The following RORA variants were observed in gnomAD, a reference collection of about 807,000 sequenced individuals.
RORA encodes RAR related orphan receptor A, also known as nuclear receptor ROR-alpha.
Under a neutral mutation model 69.5 loss-of-function variants are expected in RORA, and 7 were observed. The ratio of observed to expected loss-of-function variants is 0.10; its 90% CI spans 0.06 to 0.19. The LOEUF (loss-of-function observed/expected upper bound fraction) is 0.19, where lower values mean the gene tolerates loss of function less well. Among genes scored for constraint, RORA ranks in the 10% least tolerant of loss-of-function variants. The pLI, the probability that RORA is intolerant of heterozygous loss-of-function variation, is 1.00. For synonymous variants in RORA, 261 were observed against 240.8 expected (o/e 1.08, Z -0.78); for missense variants, 457 against 663.0 (o/e 0.69, Z 3.41).
chr15:60,796,220 T>C (rs1175920824), intron 1 of RORA, among the ~76,000 whole-genome samples: 1 of 152,160 alleles, frequency 6.6e-6, no homozygotes, highest in Non-Finnish European at 1.5e-5. Context: ...CTAGCTCTGC[T>C]GGGAGACACA....
intron 1 of RORA, among the ~76,000 whole-genome samples, chr15:61,093,510 C>T (rs1048386888): frequency 6.6e-6 from 1 of 152,198 alleles, no homozygotes; most frequent in African/African-American, 2.4e-5. Flanking sequence ...ACTTTCTCAT[C>T]CCTGTACTCA....
chr15:61,084,103 C>T (rs1191518765), intron 1 of RORA, among the ~76,000 whole-genome samples: 2 of 152,184 alleles, frequency 1.3e-5, no homozygotes, highest in Non-Finnish European at 2.9e-5. Flanking sequence ...AGCTCTCTCA[C>T]CTCAGACTGG....
rs544849213 is a variant in RORA, at chr15:61,090,964, T to C, written c.166+138089A>G. On this transcript the variant is annotated intron_variant, in intron 1 of 10. Transcript: ENST00000335670. ...CATGATCTCACTCTGTCCCTGCTAA[T>C]ACCTAAAACAGTCCACTGTTCCATT... Among the ~76,000 whole-genome samples the C allele has an allele frequency of 5.3e-5, 8 of 152,320 alleles. No individual in the cohort carries two copies. The South Asian group carries it at 1.7e-3, about 32-fold the overall frequency.
At chr15:60,591,492 T>C (rs2068508748) in intron 2 of RORA, among the ~76,000 whole-genome samples, 1 of 152,112 alleles carries the variant, frequency 6.6e-6, no homozygotes, top group Non-Finnish European at 1.5e-5. Flanking sequence ...GAGCCAGTCC[T>C]CCCTCCAACC....
chr15:60,608,770 A>G (rs1301286756), intron 2 of RORA, among the ~76,000 whole-genome samples: 2 of 152,106 alleles, frequency 1.3e-5, no homozygotes, highest in African/African-American at 4.8e-5. Flanking sequence ...GCCACGAGAG[A>G]TAATTTACAT....
chr15:60,561,563 A>C (rs1288007513), intron 2 of RORA, among the ~76,000 whole-genome samples: 1 of 152,196 alleles, frequency 6.6e-6, no homozygotes, highest in Non-Finnish European at 1.5e-5. Context: ...TAACATCTTT[A>C]TGTTAAAGCT....
intron 3 of RORA, among the ~76,000 whole-genome samples, chr15:60,523,124 G>A (rs1298996404): frequency 6.6e-6 from 1 of 151,952 alleles, no homozygotes; most frequent in East Asian, 1.9e-4. Context: ...TGCTCCCATT[G>A]TGAATAACAT....
chr15:60,961,262 A>T (rs1404550014), intron 1 of RORA, among the ~76,000 whole-genome samples: 2 of 152,176 alleles, frequency 1.3e-5, no homozygotes, highest in Non-Finnish European at 2.9e-5. Flanking sequence ...CAAATAAAGC[A>T]TAACTCCTAT....
At chr15:60,693,316 A>G (rs2070855994) in intron 1 of RORA, among the ~76,000 whole-genome samples, 3 of 152,232 alleles carry the variant, frequency 2.0e-5, no homozygotes, top group Admixed American at 2.0e-4. Context: ...AATAAGAGCC[A>G]TTTATGACAA....
chr15:60,520,414 G>A (rs946081670), intron 3 of RORA: 37 of 152,060 alleles, frequency 2.4e-4, no homozygotes, highest in Admixed American at 3.3e-4. Flanking sequence ...CTTGGGGGGC[G>A]GGGTTCTCAG....
intron 6 of RORA, 21 bp downstream of exon 6, chr15:60,505,487 G>A: frequency 6.2e-7 from 1 of 1,613,082 alleles, no homozygotes; most frequent in Non-Finnish European, 8.5e-7. Flanking sequence ...ATCCTAGGAG[G>A]AAAAATTCCT....
chr15:60,796,561 C>T (rs921149467), intron 1 of RORA, among the ~76,000 whole-genome samples: 3 of 152,036 alleles, frequency 2.0e-5, no homozygotes, highest in African/African-American at 7.2e-5. Context: ...AACTGGAAAC[C>T]TTATGTGTAC....
intron 1 of RORA, among the ~76,000 whole-genome samples, chr15:61,065,752 G>A (rs1037654589): frequency 2.6e-5 from 4 of 152,132 alleles, no homozygotes; most frequent in Non-Finnish European, 5.9e-5. Flanking sequence ...GCAACACTGG[G>A]AGAGAAAGGA....
At chr15:60,947,458 C>T (rs991110521) in intron 1 of RORA, among the ~76,000 whole-genome samples, 1 of 151,866 alleles carries the variant, frequency 6.6e-6, no homozygotes, top group South Asian at 2.1e-4. Context: ...AAGGGCGGTG[C>T]AAGATGTGCT....
chr15:61,135,988 G>T (rs1181324418), intron 1 of RORA, among the ~76,000 whole-genome samples: 2 of 152,168 alleles, frequency 1.3e-5, no homozygotes, highest in Non-Finnish European at 2.9e-5. Flanking sequence ...CTCATCAAAC[G>T]TTCAAGATAA....
chr15:61,083,089 T>C (rs140689385), intron 1 of RORA, among the ~76,000 whole-genome samples: 112 of 152,226 alleles, frequency 7.4e-4, no homozygotes, highest in African/African-American at 2.5e-3. Flanking sequence ...CTCAAAAAGG[T>C]GTGGAATTGT....
At chr15:61,218,934 G>A (rs965325887) in intron 1 of RORA, among the ~76,000 whole-genome samples, 5 of 152,108 alleles carry the variant, frequency 3.3e-5, no homozygotes, top group Admixed American at 6.6e-5. Context: ...AGCTTGCTGC[G>A]GAGACACACA....
At chr15:61,212,237 G>C (rs2079999189) in intron 1 of RORA, among the ~76,000 whole-genome samples, 1 of 125,346 alleles carries the variant, frequency 8.0e-6, no homozygotes, top group African/African-American at 2.9e-5. Context: ...TGTGTAGAAA[G>C]GGTTGTTTGT....
intron 2 of RORA, among the ~76,000 whole-genome samples, chr15:60,568,683 G>A (rs1396142483): frequency 1.3e-5 from 2 of 152,206 alleles, no homozygotes; most frequent in Admixed American, 1.3e-4. Flanking sequence ...CCTTTGGCTC[G>A]AAGGGCCTTG....
Sources: allele counts gnomAD v4.1 joint callset (sites outside exome capture counted in the v4.1 genomes callset), GRCh38; gene constraint gnomAD v4.1.1; transcripts MANE v1.5; gene names NCBI Gene and HGNC (gene_info 2026-07-23, HGNC 2026-07-21).